Variants in TRIM49C observed in about 807,000 individuals in gnomAD.
TRIM49C encodes tripartite motif-containing protein 49C.
A neutral mutation model predicts 21.4 loss-of-function variants in TRIM49C; 6 were observed. That is an observed-to-expected ratio of 0.28 (90% confidence interval 0.15 to 0.55). TRIM49C has a LOEUF of 0.55. Among genes scored for constraint, TRIM49C ranks in the 20% least tolerant of loss-of-function variants. The pLI is 0.94. For synonymous variants in TRIM49C, 57 were observed against 148.1 expected (o/e 0.38, Z 4.47); for missense variants, 161 against 442.4 (o/e 0.36, Z 5.71).
rs775664696 is a variant in TRIM49C at position 90,035,976 on chromosome 11, G to T, written c.500G>T (p.Cys167Phe). ...AATGTGGAAACCACCAGAACCAGAT[G>T]CTGGAAGGTTAGTCCTGTACTACTC... Reference protein sequence around the residue: ...NLNVETTRTRCWKDYVNLRLE... With the variant: ...NLNVETTRTRFWKDYVNLRLE... The change falls in exon 4 of 8, where the codon TGC becomes TTC. Residue 167 changes from cysteine to phenylalanine, a missense_variant. Physicochemically the swap from Cys to Phe is radical, Grantham distance 205. This residue lies in a region of TRIM49C where 80 missense variants were observed against 314.8 expected (regional missense o/e 0.25). Coordinates refer to ENST00000448984, the MANE Select transcript of TRIM49C (RefSeq NM_001195234.1). 7 of 816,558 alleles carry T rather than the reference G, an allele frequency of 8.6e-6. No homozygotes were observed. The highest frequency in any genetic ancestry group is 9.9e-6 in the Non-Finnish European group (6 of 607,988). The allele number at this position is 816,558 out of a possible 1,614,324, so 50.6% of individuals were successfully genotyped here. A position where few individuals can be genotyped will look rare whatever the true frequency, so the allele number is the denominator to read the frequency against.
the TRIM49C span, among the ~76,000 whole-genome samples, chr11:90,069,144 A>G: frequency 1.5e-5 from 2 of 134,468 alleles, no homozygotes; most frequent in Non-Finnish European, 3.1e-5. Flanking sequence ...TCGCTCTGTC[A>G]CCCAGGCTGG....
intron 4 of TRIM49C, among the ~76,000 whole-genome samples, chr11:90,036,873 G>T (rs1950731462): frequency 7.3e-6 from 1 of 137,182 alleles, no homozygotes; most frequent in Non-Finnish European, 1.6e-5. Context: ...ATCAAGCAGG[G>T]AAGTAGAAAA....
the TRIM49C span, among the ~76,000 whole-genome samples, chr11:90,056,129 T>C: frequency 7.4e-6 from 1 of 134,442 alleles, no homozygotes; most frequent in Non-Finnish European, 1.6e-5. Context: ...CGGCTAATTT[T>C]TTTTGTATTT....
chr11:90,066,494 T>C, the TRIM49C span, among the ~76,000 whole-genome samples: 1 of 111,398 alleles, frequency 9.0e-6, no homozygotes, highest in East Asian at 2.8e-4. Flanking sequence ...CTCAATTGTG[T>C]TTCACATAAT....
At chr11:90,035,130 C>G in intron 2 of TRIM49C, 78 bp from the exon 3 acceptor site, 16 of 1,539,532 alleles carry the variant, frequency 1.0e-5, no homozygotes, top group Non-Finnish European at 1.3e-5. Flanking sequence ...GAAAATATAA[C>G]TATCACATAT....
chr11:90,036,896 C>A (rs1361567911), intron 4 of TRIM49C, among the ~76,000 whole-genome samples: 2 of 135,272 alleles, frequency 1.5e-5, no homozygotes, highest in African/African-American at 2.6e-5. Flanking sequence ...ACAATAGAGG[C>A]CAGAAACTGG....
intron 6 of TRIM49C, among the ~76,000 whole-genome samples, chr11:90,039,400 T>C (rs1412620426): frequency 7.8e-6 from 1 of 128,830 alleles, no homozygotes; most frequent in African/African-American, 2.9e-5. Flanking sequence ...TTCTGAAAAA[T>C]AGATTGAAAA....
chr11:90,046,433 C>T (rs2134829579), downstream of TRIM49C, among the ~76,000 whole-genome samples: 2 of 126,518 alleles, frequency 1.6e-5, 1 homozygote, highest in African/African-American at 6.2e-5. Context: ...TTTGTAGGCT[C>T]ATAATTATTG....
chr11:90,067,397 C>T, the TRIM49C span, among the ~76,000 whole-genome samples: 1 of 146,194 alleles, frequency 6.8e-6, no homozygotes, highest in African/African-American at 2.5e-5. Flanking sequence ...ATTTTATTTC[C>T]TGGGAAATGA....
At chr11:90,046,269 G>C (rs1950800929), downstream of TRIM49C, among the ~76,000 whole-genome samples, 1 of 124,904 alleles carries the variant, frequency 8.0e-6, no homozygotes, top group Non-Finnish European at 1.6e-5. Context: ...GCCTAGCTTT[G>C]GTATCAGGAT....
downstream of TRIM49C, among the ~76,000 whole-genome samples, chr11:90,043,220 T>A (rs1470949028): frequency 2.8e-5 from 4 of 144,308 alleles, no homozygotes; most frequent in African/African-American, 1.0e-4. Context: ...TGGCCAGGAG[T>A]TCCAGACCAG....
At chr11:90,073,202 C>A in the TRIM49C span, 3 of 833,542 alleles carry the variant, frequency 3.6e-6, no homozygotes, top group East Asian at 2.8e-5. Context: ...TCATTTCAGT[C>A]TCTTGACCAC....
intron 3 of TRIM49C, 126 bp downstream of exon 3, chr11:90,035,748 G>A (rs1488390752): frequency 1.0e-6 from 1 of 988,432 alleles, no homozygotes; most frequent in Non-Finnish European, 1.4e-6. Context: ...GGCTTTCTTA[G>A]CTTCCAACCT....
At chr11:90,032,053 T>C (rs1384988050) in intron 1 of TRIM49C, among the ~76,000 whole-genome samples, 1 of 136,548 alleles carries the variant, frequency 7.3e-6, no homozygotes, top group Admixed American at 8.3e-5. Flanking sequence ...GAGGATTACT[T>C]GGAATTCAAG....
At chr11:90,070,903 C>A in the TRIM49C span, among the ~76,000 whole-genome samples, 1 of 140,704 alleles carries the variant, frequency 7.1e-6, no homozygotes, top group Non-Finnish European at 1.5e-5. Flanking sequence ...AAGCTATTCT[C>A]CTGCCTCATC....
At position 90,036,582 on chromosome 11, in the gene TRIM49C, C is replaced by T. The variant is rs912252386; in HGVS notation, c.507+599C>T. 3.8e-4 allele frequency among the ~76,000 whole-genome samples: 51 copies of T among 133,312 alleles called. 5 individuals are homozygous for T. The highest frequency in any genetic ancestry group is 1.2e-3 in the African/African-American group (46 of 37,618). The allele number at this position is 133,312 out of a possible 152,430, so 87.5% of individuals were successfully genotyped here. A position where few individuals can be genotyped will look rare whatever the true frequency, so the allele number is the denominator to read the frequency against. On this transcript the variant is annotated intron_variant, in intron 4 of 7. Transcript: ENST00000448984. ...AGAAATATGGGAACTAGTATCTAAA[C>T]ATAAGGAGAACTCTGAGGACTTCAG...
the TRIM49C span, among the ~76,000 whole-genome samples, chr11:90,064,239 T>A: frequency 6.6e-6 from 1 of 150,570 alleles, no homozygotes; most frequent in South Asian, 2.1e-4. Flanking sequence ...ACATTAAATG[T>A]AATTAATATC....
chr11:90,051,753 C>A, the TRIM49C span: 5 of 291,568 alleles, frequency 1.7e-5, no homozygotes, highest in Non-Finnish European at 3.1e-5. Context: ...ATACACGCGG[C>A]CCGGTGGTCC....
At position 90,039,064 on chromosome 11, in the gene TRIM49C, C is replaced by G. The variant is rs1453130366; in HGVS notation, c.761+349C>G. ...CCTCCCGAGTACCCGGGACTACAGGCGCCCGCCACCACACCCGGCTAATTT... is the reference window on the plus strand; with the variant it reads ...CCTCCCGAGTACCCGGGACTACAGGGGCCCGCCACCACACCCGGCTAATTT... On this transcript the variant is annotated intron_variant, in intron 6 of 7. Transcript: ENST00000448984. 5.9e-5 allele frequency among the ~76,000 whole-genome samples: 8 copies of G among 134,952 alleles called. 2 individuals are homozygous for G. Among genetic ancestry groups the G allele is most frequent in the Non-Finnish European group, 9.5e-5 (6 of 63,088 alleles). 88.5% of individuals were successfully genotyped at this position (134,952 alleles called of 152,430 possible). A position where few individuals can be genotyped will look rare whatever the true frequency, so the allele number is the denominator to read the frequency against.
Sources: allele counts gnomAD v4.1 joint callset (sites outside exome capture counted in the v4.1 genomes callset), GRCh38; gene constraint gnomAD v4.1.1; regional missense constraint gnomAD v4.1.1; transcripts MANE v1.5; gene names NCBI Gene and HGNC (gene_info 2026-07-23, HGNC 2026-07-21).